The following FAM131A variants were observed in gnomAD, a reference collection of about 807,000 sequenced individuals.
The protein encoded by FAM131A is family with sequence similarity 131 member A, also known as protein FAM131A.
Under a neutral mutation model 39.2 loss-of-function variants are expected in FAM131A, and 24 were observed. The observed-to-expected ratio is 0.61, with a 90% CI of 0.44 to 0.86. The LOEUF (loss-of-function observed/expected upper bound fraction) is 0.86, where lower values mean the gene tolerates loss of function less well. FAM131A is among the 40% of genes least tolerant of loss of function. The pLI is 0.00. For synonymous variants in FAM131A, 202 were observed against 206.8 expected, an observed-to-expected ratio of 0.98 and a Z score of 0.20; for missense variants, 373 against 481.2, an observed-to-expected ratio of 0.78 and a Z score of 2.10.
In FAM131A at chr3:184,342,672, T is replaced by G; in HGVS notation, c.509-72T>G. On this transcript the variant is annotated intron_variant, in intron 4 of 5. Coordinates refer to ENST00000383847, the MANE Select transcript of FAM131A (RefSeq NM_144635.5). This position sits in a 1 kb window ranked among gnomAD's most constrained non-coding sequence, Gnocchi z 4.6. ...GAGTCTTCCCATACCCTGTTTCTCC[T>G]CTCTCCTGTCTTCAAGCTGAGCCCT... The G allele has an allele frequency of 7.3e-7, 1 of 1,369,708 alleles. No homozygotes were observed. Among genetic ancestry groups the G allele is most frequent in the Admixed American group, 1.8e-5 (1 of 55,568 alleles). The allele number at this position is 1,369,708 out of a possible 1,614,324, so 84.8% of individuals were successfully genotyped here.
At chr3:184,337,153 T>C, upstream of FAM131A, 1 of 155,204 alleles carries the variant, frequency 6.4e-6, no homozygotes, top group Non-Finnish European at 1.4e-5. Context: ...TGCTCTGATC[T>C]CTCTGGCCCT....
chr3:184,345,180 G>C lies in FAM131A; in HGVS notation c.*210G>C. The C allele has an allele frequency of 3.4e-6, 2 of 596,090 alleles. No individual in the cohort carries two copies. Among genetic ancestry groups the C allele is most frequent in the Non-Finnish European group, 2.9e-6 (1 of 344,724 alleles). The allele number at this position is 596,090 out of a possible 1,614,324, so 36.9% of individuals were successfully genotyped here. ...GGGCGCATGTCCTGCCCCCACTCCC[G>C]GGGCTTGCCGGGGGTTGCCCGGGGC... On this transcript the variant is annotated 3_prime_UTR_variant, in exon 6 of 6. Coordinates refer to ENST00000383847, the MANE Select transcript of FAM131A (RefSeq NM_144635.5).
In FAM131A at chr3:184,342,051, C is replaced by G; in HGVS notation, c.326-15C>G. 1.2e-6 allele frequency: 2 copies of G among 1,614,200 alleles called. No individual in the cohort carries two copies. Among genetic ancestry groups the G allele is most frequent in the East Asian group, 2.2e-5 (1 of 44,878 alleles). On this transcript the variant is annotated splice_polypyrimidine_tract_variant and intron_variant, in intron 3 of 5. Coordinates refer to ENST00000383847, the MANE Select transcript of FAM131A (RefSeq NM_144635.5). This position sits in a 1 kb window ranked among gnomAD's most constrained non-coding sequence, Gnocchi z 4.6. ...TGGTCCTTTACCAGGCTTCTCCACC[C>G]TCCCCTATCTCCAGGTATTTCCCAG... is the stretch of plus-strand genomic sequence containing the variant.
Position 184,345,503 on chromosome 3 carries a change from G to A in FAM131A, c.*533G>A, listed in dbSNP as rs1727606059. On this transcript the variant is annotated 3_prime_UTR_variant, in exon 6 of 6. Coordinates refer to ENST00000383847, the MANE Select transcript of FAM131A (RefSeq NM_144635.5). ...GCCGTCCCTCAAGGGCCCCTGCCCAGCTGGGCTCGTGCTGTGCTTCATTCA... is the reference window on the plus strand; with the variant it reads ...GCCGTCCCTCAAGGGCCCCTGCCCAACTGGGCTCGTGCTGTGCTTCATTCA... 1 of 702,924 alleles carries A rather than the reference G, an allele frequency of 1.4e-6. No homozygotes were observed. The highest frequency in any genetic ancestry group is 1.7e-5 in the African/African-American group (1 of 57,268). 43.5% of individuals were successfully genotyped at this position (702,924 alleles called of 1,614,324 possible).
chr3:184,344,903 C>A lies in FAM131A; in HGVS notation c.1034C>A (p.Ala345Asp). 6.2e-7 allele frequency: 1 copy of A among 1,608,164 alleles called. No individual in the cohort carries two copies. Among genetic ancestry groups the A allele is most frequent in the South Asian group, 1.1e-5 (1 of 90,922 alleles). The change falls in exon 6 of 6, where the codon GCC becomes GAC. Residue 345 changes from alanine to aspartate, a missense_variant. Physicochemically the swap from Ala to Asp is moderately radical, Grantham distance 126. Transcript: ENST00000383847. ...GGCAGCTGGGAACGGCAGCGGCAAGCCTCTGACCTGGCCTCTTCTGGGGTG... is the reference window on the plus strand; with the variant it reads ...GGCAGCTGGGAACGGCAGCGGCAAGACTCTGACCTGGCCTCTTCTGGGGTG... The part of the protein sequence containing the change: ...LTGSWERQRQ[A>D]SDLASSGVVS...
rs1391973560 is a variant in FAM131A at position 184,344,526 on chromosome 3, C to A, written c.657C>A (p.His219Gln). Residue 219 changes from histidine to glutamine, a missense_variant, in exon 6 of 6, where the codon CAC becomes CAA. By Grantham distance (24) the His-to-Gln change is conservative. Around this residue, in one of 2 missense-constraint regions of FAM131A, gnomAD observed 221 missense variants for 347.7 expected, o/e 0.64. Coordinates refer to ENST00000383847, the MANE Select transcript of FAM131A (RefSeq NM_144635.5). ...CTGGGCAGCTGCCCCTGGGGCCGCACCTCCAGGACCTGTTCACCGGCCACC... is the reference window on the plus strand; with the variant it reads ...CTGGGCAGCTGCCCCTGGGGCCGCAACTCCAGGACCTGTTCACCGGCCACC... The part of the protein sequence containing the change: ...DMAGQLPLGP[H>Q]LQDLFTGHRF... 1 of 1,547,694 alleles carries A rather than the reference C, an allele frequency of 6.5e-7. No homozygotes were observed. Among genetic ancestry groups the A allele is most frequent in the South Asian group, 1.2e-5 (1 of 81,340 alleles).
Position 184,345,041 on chromosome 3 carries a change from T to TG in FAM131A, c.*74dup. ...GGGGCAGAGCCTCTGTGCCCAAGTG[T>TG]GGGCTCAAGGCTCCCAGCAGAGCTC... On this transcript the variant is annotated 3_prime_UTR_variant, in exon 6 of 6. Transcript: ENST00000383847. 1 of 1,376,310 alleles carries TG rather than the reference T, an allele frequency of 7.3e-7. No homozygotes were observed. Among genetic ancestry groups the TG allele is most frequent in the East Asian group, 2.5e-5 (1 of 39,738 alleles). 85.3% of individuals were successfully genotyped at this position (1,376,310 alleles called of 1,614,324 possible). A position where few individuals can be genotyped will look rare whatever the true frequency, so the allele number is the denominator to read the frequency against.
chr3:184,341,891 T>C, intron 3 of FAM131A, 74 bp downstream of exon 3: 2 of 1,552,004 alleles, frequency 1.3e-6, no homozygotes, highest in Non-Finnish European at 1.8e-6. Context: ...TGGAACTGTT[T>C]CCTGTGAGTA....
chr3:184,337,013 G>A (rs1036104030), upstream of FAM131A, among the ~76,000 whole-genome samples: 6 of 152,234 alleles, frequency 3.9e-5, no homozygotes, highest in African/African-American at 1.2e-4. Flanking sequence ...AGTCACACAG[G>A]CCTTGGTGTG....
Position 184,342,612 on chromosome 3 carries a change from GCTTT to G in FAM131A, c.509-128_509-125del. Reference sequence around the variant, plus strand: ...TAAGCCACCACACCCGGCCAGGGCTGCTTTCTTATCTCCTCGGGTCTGACATGGG... The same window carrying G: ...TAAGCCACCACACCCGGCCAGGGCTGCTTATCTCCTCGGGTCTGACATGGG... On this transcript the variant is annotated intron_variant, in intron 4 of 5. Transcript: ENST00000383847. The surrounding 1 kb of genome is among the most constrained non-coding windows in gnomAD (Gnocchi z 4.6). 1.2e-6 allele frequency: 1 copy of G among 800,854 alleles called. No homozygotes were observed. The highest frequency in any genetic ancestry group is 1.7e-5 in the South Asian group (1 of 57,668). 49.6% of individuals were successfully genotyped at this position (800,854 alleles called of 1,614,324 possible). A position where few individuals can be genotyped will look rare whatever the true frequency, so the allele number is the denominator to read the frequency against.
intron 2 of FAM131A, chr3:184,339,302 T>C (rs1577285259): frequency 1.3e-5 from 2 of 152,146 alleles, no homozygotes; most frequent in South Asian, 2.1e-4. Flanking sequence ...TATTTGCAGG[T>C]GACACTTGAG....
upstream of FAM131A, among the ~76,000 whole-genome samples, chr3:184,336,418 A>G (rs1292376563): frequency 6.6e-6 from 1 of 152,064 alleles, no homozygotes; most frequent in African/African-American, 2.4e-5. The surrounding 1 kb of genome is among the most constrained non-coding windows in gnomAD (Gnocchi z 5.5). Flanking sequence ...CAGCCCCGGG[A>G]GGGGCTGGGC....
At chr3:184,341,664 T>G in intron 2 of FAM131A, 60 bp from the exon 3 acceptor site, 3 of 1,424,034 alleles carry the variant, frequency 2.1e-6, no homozygotes, top group Non-Finnish European at 2.9e-6. Flanking sequence ...GGTATGGGCA[T>G]GTTAGGGGGA....
intron 5 of FAM131A, 144 bp from the exon 6 acceptor site, chr3:184,344,351 A>G: frequency 1.4e-6 from 1 of 697,466 alleles, no homozygotes; most frequent in Non-Finnish European, 2.4e-6. Flanking sequence ...CTGAGGTCTC[A>G]AAAAGTTGTG....
Sources: allele counts gnomAD v4.1 joint callset (sites outside exome capture counted in the v4.1 genomes callset), GRCh38; gene constraint gnomAD v4.1.1; regional missense constraint gnomAD v4.1.1; non-coding constraint Gnocchi (gnomAD v3.1); transcripts MANE v1.5; gene names NCBI Gene and HGNC (gene_info 2026-07-23, HGNC 2026-07-21).